The following GALNT1 variants were observed in gnomAD, a reference collection of about 807,000 sequenced individuals.
The protein encoded by GALNT1 is GalNAc transferase 1.
GALNT1 carries 17 observed loss-of-function variants against 65.7 expected under a neutral mutation model. That is an observed-to-expected ratio of 0.26 (90% CI 0.18 to 0.39). The LOEUF (loss-of-function observed/expected upper bound fraction) is 0.39. Among genes scored for constraint, GALNT1 ranks in the 10% least tolerant of loss-of-function variants. The pLI, the probability that GALNT1 is intolerant of heterozygous loss-of-function variation, is 1.00. For synonymous variants in GALNT1, 210 were observed against 219.7 expected (o/e 0.96, Z 0.39); for missense variants, 460 against 672.8 (o/e 0.68, Z 3.50).
At position 35,688,981 on chromosome 18, in the gene GALNT1, C is replaced by T. The variant is rs550529856; in HGVS notation, c.861-192C>T. Reference sequence around the variant, plus strand: ...TCTAGCAGTCAGCATGACCATGGTGCAGGTCATGTGTGAAGACCAAATAAC... The same window carrying T: ...TCTAGCAGTCAGCATGACCATGGTGTAGGTCATGTGTGAAGACCAAATAAC... On this transcript the variant is annotated intron_variant, in intron 6 of 11. Coordinates refer to ENST00000269195, the MANE Select transcript of GALNT1 (RefSeq NM_020474.4). 2.0e-5 allele frequency among the ~76,000 whole-genome samples: 3 copies of T among 152,276 alleles called. No individual in the cohort carries two copies. The South Asian group carries it at 6.2e-4, about 32-fold the overall frequency.
At chr18:35,608,292 T>C (rs2046676120) in intron 1 of GALNT1, among the ~76,000 whole-genome samples, 1 of 152,210 alleles carries the variant, frequency 6.6e-6, no homozygotes, top group South Asian at 2.1e-4. Context: ...TTAGATTATG[T>C]TGATCTTTTA....
chr18:35,677,069 G>A (rs1211950590), intron 3 of GALNT1, among the ~76,000 whole-genome samples: 3 of 152,108 alleles, frequency 2.0e-5, no homozygotes, highest in Non-Finnish European at 4.4e-5. Context: ...TTGCCTCCTC[G>A]CTATCCCTGC....
At chr18:35,622,647 A>G (rs2046867769) in intron 1 of GALNT1, among the ~76,000 whole-genome samples, 1 of 151,848 alleles carries the variant, frequency 6.6e-6, no homozygotes, top group Non-Finnish European at 1.5e-5. Flanking sequence ...TCTTGTTCTA[A>G]TTGTCTTTAT....
intron 9 of GALNT1, among the ~76,000 whole-genome samples, chr18:35,696,189 T>C (rs1043776976): frequency 2.0e-5 from 3 of 152,230 alleles, no homozygotes; most frequent in African/African-American, 4.8e-5. Context: ...CATTTCTAGA[T>C]TGGAGGTCAT....
At chr18:35,638,346 T>C (rs2047119100) in intron 1 of GALNT1, among the ~76,000 whole-genome samples, 1 of 152,122 alleles carries the variant, frequency 6.6e-6, no homozygotes, top group Non-Finnish European at 1.5e-5. Context: ...TAAAGAGTTG[T>C]AGCAGCTGTG....
At chr18:35,693,468 T>C (rs1271769880) in intron 9 of GALNT1, among the ~76,000 whole-genome samples, 1 of 152,208 alleles carries the variant, frequency 6.6e-6, no homozygotes, top group Non-Finnish European at 1.5e-5. Flanking sequence ...AAATGGAAGC[T>C]ATCGAAAGAT....
At chr18:35,641,541 A>G (rs1345873864) in intron 1 of GALNT1, among the ~76,000 whole-genome samples, 1 of 152,228 alleles carries the variant, frequency 6.6e-6, no homozygotes, top group African/African-American at 2.4e-5. Context: ...CAACACATCT[A>G]GTAGAGCAGA....
At chr18:35,620,950 G>A (rs888117531) in intron 1 of GALNT1, among the ~76,000 whole-genome samples, 10 of 152,046 alleles carry the variant, frequency 6.6e-5, no homozygotes, top group Non-Finnish European at 1.5e-4. Flanking sequence ...CAAAGTGGCC[G>A]TGCCAAATTA....
intron 1 of GALNT1, among the ~76,000 whole-genome samples, chr18:35,641,546 A>T (rs2047164419): frequency 6.6e-6 from 1 of 152,210 alleles, no homozygotes; most frequent in South Asian, 2.1e-4. Context: ...CATCTAGTAG[A>T]GCAGAACTTC....
chr18:35,665,344 A>G (rs1033628262), intron 3 of GALNT1, among the ~76,000 whole-genome samples: 38 of 152,186 alleles, frequency 2.5e-4, no homozygotes, highest in African/African-American at 8.9e-4. Context: ...CACCAAAGAG[A>G]TGGACAACAG....
chr18:35,704,173 C>G (rs1352714018), intron 11 of GALNT1, among the ~76,000 whole-genome samples: 2 of 152,340 alleles, frequency 1.3e-5, no homozygotes, highest in East Asian at 3.9e-4. Flanking sequence ...AAACCTCTTT[C>G]CACCTATTTG....
rs149137800 is a variant in GALNT1, at chr18:35,631,076, A to C, written c.-103-23484A>C. Among the ~76,000 whole-genome samples the C allele has an allele frequency of 4.6e-3, 706 of 152,272 alleles. 3 individuals are homozygous for C. Among genetic ancestry groups the C allele is most frequent in the Middle Eastern group, 0.014 (4 of 294 alleles). On this transcript the variant is annotated intron_variant, in intron 1 of 11. Transcript: ENST00000269195. ...GGCAGTAATTAATAGCTTACCACCCAAAAAAAGTCCAGAACCGGCAGATTC... is the reference window on the plus strand; with the variant it reads ...GGCAGTAATTAATAGCTTACCACCCCAAAAAAGTCCAGAACCGGCAGATTC...
At chr18:35,650,266 G>T (rs796993019) in intron 1 of GALNT1, among the ~76,000 whole-genome samples, 6 of 152,296 alleles carry the variant, frequency 3.9e-5, no homozygotes, top group African/African-American at 1.4e-4. Context: ...GTTTTTATTA[G>T]TGATTTCCAA....
intron 3 of GALNT1, among the ~76,000 whole-genome samples, chr18:35,665,668 C>T (rs1163053166): frequency 1.3e-5 from 2 of 152,196 alleles, no homozygotes; most frequent in Non-Finnish European, 2.9e-5. Flanking sequence ...AGAATGCCTT[C>T]AGACTTCTCA....
chr18:35,673,597 G>A (rs1042551687), intron 3 of GALNT1, among the ~76,000 whole-genome samples: 6 of 152,160 alleles, frequency 3.9e-5, no homozygotes, highest in Non-Finnish European at 8.8e-5. Flanking sequence ...CCCTGGGATA[G>A]GATAAATAGA....
intron 1 of GALNT1, among the ~76,000 whole-genome samples, chr18:35,625,615 G>A (rs1324001920): frequency 1.3e-5 from 2 of 152,144 alleles, no homozygotes; most frequent in Non-Finnish European, 2.9e-5. Flanking sequence ...AATGATAATT[G>A]GAGAGGTTGG....
intron 1 of GALNT1, among the ~76,000 whole-genome samples, chr18:35,640,900 A>T (rs2047152200): frequency 6.6e-6 from 1 of 152,240 alleles, no homozygotes. Flanking sequence ...GGAAAAGCAA[A>T]CCTTTAACAT....
intron 1 of GALNT1, among the ~76,000 whole-genome samples, chr18:35,647,805 T>G (rs901114610): frequency 1.3e-5 from 2 of 152,102 alleles, no homozygotes; most frequent in Admixed American, 1.3e-4. Context: ...GAGCTTTGGT[T>G]AGAAATATGA....
At chr18:35,703,172 T>G (rs2048194141) in intron 10 of GALNT1, among the ~76,000 whole-genome samples, 177 bp downstream of exon 10, 1 of 152,078 alleles carries the variant, frequency 6.6e-6, no homozygotes, top group South Asian at 2.1e-4. Context: ...ATGAAACATT[T>G]GTGAAAGGCC....
Sources: gnomAD v4.1 joint callset for allele counts (sites outside exome capture counted in the v4.1 genomes callset) on GRCh38, gnomAD v4.1.1 for gene constraint, MANE v1.5 for transcripts, NCBI Gene and HGNC (gene_info 2026-07-23, HGNC 2026-07-21) for gene names.